The following RUNDC3B variants were observed in gnomAD, a reference collection of about 807,000 sequenced individuals.
RUNDC3B encodes the protein RUN domain-containing protein 3B.
In RUNDC3B, 33 loss-of-function variants were observed where a neutral mutation model predicts 58.4. That is an observed-to-expected ratio of 0.56 (90% CI 0.43 to 0.75). The LOEUF is 0.75. Ranked by LOEUF, RUNDC3B falls within the 30% of genes least tolerant of loss-of-function variation. The probability of loss-of-function intolerance (pLI) is 0.00; values close to 1 mark genes in which losing one functional copy is unlikely to be tolerated. For missense variants in RUNDC3B, 501 were observed against 535.7 expected (o/e 0.94, Z 0.64); for synonymous variants, 193 against 195.2 (o/e 0.99, Z 0.10).
chr7:87,828,159 G>T (rs955790567), intron 10 of RUNDC3B, among the ~76,000 whole-genome samples: 2 of 151,592 alleles, frequency 1.3e-5, no homozygotes, highest in African/African-American at 4.9e-5. Flanking sequence ...AATATAAGCT[G>T]AAATTAAATT....
At chr7:87,705,770 A>G (rs1259758415) in intron 3 of RUNDC3B, among the ~76,000 whole-genome samples, 1 of 152,156 alleles carries the variant, frequency 6.6e-6, no homozygotes, top group Non-Finnish European at 1.5e-5. Flanking sequence ...CTCTTGGGTC[A>G]TATGCTCTTA....
At chr7:87,781,841 T>C (rs1476517479) in intron 8 of RUNDC3B, among the ~76,000 whole-genome samples, 2 of 152,164 alleles carry the variant, frequency 1.3e-5, no homozygotes, top group African/African-American at 2.4e-5. Flanking sequence ...GTCTACTTGA[T>C]CATAGTTAAC....
chr7:87,684,317 A>T (rs574840587), intron 2 of RUNDC3B, among the ~76,000 whole-genome samples: 1 of 152,298 alleles, frequency 6.6e-6, no homozygotes, highest in African/African-American at 2.4e-5. Flanking sequence ...TTTTTTGTAG[A>T]TATAAAACTT....
chr7:87,730,033 A>G (rs1831486065), intron 4 of RUNDC3B, among the ~76,000 whole-genome samples: 1 of 152,172 alleles, frequency 6.6e-6, no homozygotes, highest in Non-Finnish European at 1.5e-5. Flanking sequence ...AAGATTTATC[A>G]TTTGCAGACT....
chr7:87,759,924 A>C (rs1833582930), intron 6 of RUNDC3B, among the ~76,000 whole-genome samples: 1 of 152,040 alleles, frequency 6.6e-6, no homozygotes, highest in Non-Finnish European at 1.5e-5. Context: ...TGTACCCATA[A>C]CCATTAAAAA....
intron 10 of RUNDC3B, among the ~76,000 whole-genome samples, chr7:87,818,433 G>C (rs1470080399): frequency 6.6e-6 from 1 of 152,150 alleles, no homozygotes; most frequent in East Asian, 1.9e-4. Flanking sequence ...GATCAGGAAG[G>C]AAACATGTTC....
intron 2 of RUNDC3B, among the ~76,000 whole-genome samples, chr7:87,653,860 GAGT>G (rs964242606): frequency 3.9e-5 from 6 of 152,030 alleles, no homozygotes; most frequent in Admixed American, 2.6e-4. Context: ...TCTCAGAGCT[GAGT>G]AAAGTGCTTC....
chr7:87,823,213 T>A (rs1455713638), intron 10 of RUNDC3B, among the ~76,000 whole-genome samples: 2 of 152,032 alleles, frequency 1.3e-5, no homozygotes, highest in Non-Finnish European at 2.9e-5. Flanking sequence ...TCCAAGATGA[T>A]TTATGTCCAT....
intron 2 of RUNDC3B, among the ~76,000 whole-genome samples, chr7:87,685,418 T>C (rs1228098112): frequency 6.6e-6 from 1 of 152,156 alleles, no homozygotes; most frequent in Non-Finnish European, 1.5e-5. Flanking sequence ...AGCTCTTTTG[T>C]CAAAAACTGG....
At chr7:87,716,847 G>A (rs1001608814) in intron 4 of RUNDC3B, among the ~76,000 whole-genome samples, 7 of 152,146 alleles carry the variant, frequency 4.6e-5, no homozygotes, top group African/African-American at 1.4e-4. Flanking sequence ...TTACTTCTAT[G>A]ATTTTTTAAG....
Position 87,799,485 on chromosome 7 carries a change from T to C in RUNDC3B, c.957-7888T>C, listed in dbSNP as rs561042152. ...CCATTAACATAAAATTCTATATTAC[T>C]ATAGTTATTTTCATGAAGATTGATA... On this transcript the variant is annotated intron_variant, in intron 8 of 10. Transcript: ENST00000394654. 1.5e-4 allele frequency among the ~76,000 whole-genome samples: 23 copies of C among 152,300 alleles called. No homozygotes were observed. The East Asian group carries it at 4.4e-3, about 29-fold the overall frequency.
At chr7:87,786,630 T>G (rs1489703903) in intron 8 of RUNDC3B, among the ~76,000 whole-genome samples, 1 of 152,042 alleles carries the variant, frequency 6.6e-6, no homozygotes, top group Non-Finnish European at 1.5e-5. Context: ...AATTTCATTT[T>G]TCTTTTACAA....
At chr7:87,731,762 A>C (rs763598866) in intron 4 of RUNDC3B, among the ~76,000 whole-genome samples, 1 of 152,252 alleles carries the variant, frequency 6.6e-6, no homozygotes, top group African/African-American at 2.4e-5. Context: ...CACACAGATT[A>C]TATAAAGCAA....
chr7:87,749,951 A>T, intron 6 of RUNDC3B, among the ~76,000 whole-genome samples: 1 of 152,018 alleles, frequency 6.6e-6, no homozygotes, highest in Middle Eastern at 3.4e-3. Flanking sequence ...ATATGTATAC[A>T]TGTGCCATGC....
chr7:87,783,101 T>C (rs1835022612), intron 8 of RUNDC3B, among the ~76,000 whole-genome samples: 1 of 152,012 alleles, frequency 6.6e-6, no homozygotes, highest in Admixed American at 6.6e-5. Flanking sequence ...TTTGTAGGTC[T>C]AGAAGTACTT....
chr7:87,804,300 A>G (rs998729547), intron 8 of RUNDC3B, among the ~76,000 whole-genome samples: 15 of 152,170 alleles, frequency 9.9e-5, no homozygotes, highest in African/African-American at 3.6e-4. Context: ...TCCCTAATAG[A>G]GTAGCCTTGC....
At chr7:87,751,044 A>G (rs575104789) in intron 6 of RUNDC3B, among the ~76,000 whole-genome samples, 18 of 152,202 alleles carry the variant, frequency 1.2e-4, no homozygotes, top group East Asian at 3.9e-4. Flanking sequence ...TCCCTCTTCA[A>G]TTGATTTTTG....
intron 3 of RUNDC3B, among the ~76,000 whole-genome samples, chr7:87,707,679 AAAATAAAATAAAT>A (rs1257910834): frequency 6.6e-6 from 1 of 152,158 alleles, no homozygotes; most frequent in East Asian, 1.9e-4. Context: ...GTCATAAAAT[AAAATAAAATAAAT>A]AAATAAAATA....
intron 7 of RUNDC3B, among the ~76,000 whole-genome samples, chr7:87,771,961 A>G (rs1288607115): frequency 6.6e-6 from 1 of 152,118 alleles, no homozygotes; most frequent in Non-Finnish European, 1.5e-5. Context: ...GTGTTTGCCA[A>G]TTTTTCTGTG....
Sources: gnomAD v4.1 joint callset for allele counts (sites outside exome capture counted in the v4.1 genomes callset) on GRCh38, gnomAD v4.1.1 for gene constraint, MANE v1.5 for transcripts, NCBI Gene and HGNC (gene_info 2026-07-23, HGNC 2026-07-21) for gene names.